The following TNRC6C variants were observed in gnomAD, a reference collection of about 807,000 sequenced individuals.
TNRC6C encodes the protein trinucleotide repeat-containing gene 6C protein.
TNRC6C carries 20 observed loss-of-function variants against 153.7 expected under a neutral mutation model. The observed-to-expected ratio is 0.13, with a 90% CI of 0.09 to 0.19. The LOEUF (loss-of-function observed/expected upper bound fraction) is 0.19. Among genes scored for constraint, TNRC6C ranks in the 10% least tolerant of loss-of-function variants. The pLI, the probability that TNRC6C is intolerant of heterozygous loss-of-function variation, is 1.00. For synonymous variants in TNRC6C, 811 were observed against 841.4 expected, an observed-to-expected ratio of 0.96 and a Z score of 0.63; for missense variants, 1,987 against 2,172.0, an observed-to-expected ratio of 0.91 and a Z score of 1.69.
upstream of TNRC6C, among the ~76,000 whole-genome samples, chr17:77,999,853 T>C (rs1412427496): frequency 6.6e-6 from 1 of 152,172 alleles, no homozygotes; most frequent in Non-Finnish European, 1.5e-5. Context: ...AGAGGGAGAC[T>C]CTAAAGCCAG....
chr17:77,982,488 A>T (rs1324891523), intron 1 of TNRC6C, among the ~76,000 whole-genome samples: 9 of 152,182 alleles, frequency 5.9e-5, no homozygotes, highest in Admixed American at 4.6e-4. Flanking sequence ...AAAATAATAA[A>T]AACCATTTAC....
intron 13 of TNRC6C, 122 bp downstream of exon 15, chr17:78,087,215 G>A (rs1469884823): frequency 6.9e-7 from 1 of 1,449,788 alleles, no homozygotes; most frequent in Admixed American, 2.4e-5. Context: ...ACCATAGCCT[G>A]TTGGAAATGC....
chr17:78,033,665 G>A lies in TNRC6C; in HGVS notation c.-219+1823G>A, dbSNP rs192298391. Among the ~76,000 whole-genome samples the A allele has an allele frequency of 1.0e-3, 150 of 148,612 alleles. 2 individuals are homozygous for A. Among genetic ancestry groups the A allele is most frequent in the African/African-American group, 3.6e-3 (145 of 39,932 alleles). On this transcript the variant is annotated intron_variant, in intron 2 of 19. Transcript: ENST00000301624. ...GCCTGGGTGACAAGAGTGAAACTCCGTTTCAAAAAAAAAAAGGTGTGTGAG... is the reference window on the plus strand; with the variant it reads ...GCCTGGGTGACAAGAGTGAAACTCCATTTCAAAAAAAAAAAGGTGTGTGAG...
intron 11 of TNRC6C, among the ~76,000 whole-genome samples, chr17:78,084,829 A>G (rs1449674301): frequency 6.6e-6 from 1 of 151,870 alleles, no homozygotes; most frequent in Admixed American, 6.6e-5. Flanking sequence ...GGGTTTCACC[A>G]TGTTGGTCAG....
intron 1 of TNRC6C, among the ~76,000 whole-genome samples, chr17:78,006,234 TAG>T (rs2071493023): frequency 6.6e-6 from 1 of 152,320 alleles, no homozygotes; most frequent in African/African-American, 2.4e-5. Flanking sequence ...ACCTCTAGAC[TAG>T]AGTCACATGA....
upstream of TNRC6C, among the ~76,000 whole-genome samples, chr17:78,003,818 C>T (rs146299744): frequency 3.9e-4 from 59 of 152,264 alleles, no homozygotes; most frequent in African/African-American, 1.4e-3. Flanking sequence ...AATCCCAGCA[C>T]TTTGGGAGGC....
At chr17:78,015,795 C>T (rs1481167571) in intron 1 of TNRC6C, among the ~76,000 whole-genome samples, 2 of 151,960 alleles carry the variant, frequency 1.3e-5, no homozygotes. Flanking sequence ...GCCTGTGATC[C>T]CAGCTACTCG....
At chr17:78,056,559 G>A (rs2072659152) in intron 3 of TNRC6C, among the ~76,000 whole-genome samples, 1 of 151,700 alleles carries the variant, frequency 6.6e-6, no homozygotes, top group Non-Finnish European at 1.5e-5. Context: ...CGCCTCCCAG[G>A]TTCACGCCAT....
At chr17:78,101,459 C>A (rs1231027175) in intron 17 of TNRC6C, among the ~76,000 whole-genome samples, 3 of 152,162 alleles carry the variant, frequency 2.0e-5, no homozygotes, top group African/African-American at 7.2e-5. Flanking sequence ...TGCCTGTTAC[C>A]CAGTTCCAAA....
chr17:77,966,136 A>G (rs990102593), intron 1 of TNRC6C, among the ~76,000 whole-genome samples: 1 of 152,220 alleles, frequency 6.6e-6, no homozygotes, highest in African/African-American at 2.4e-5. Context: ...AGCGCGTAAC[A>G]TAATGGCTGA....
chr17:77,971,721 G>A (rs1319932333), intron 1 of TNRC6C, among the ~76,000 whole-genome samples: 2 of 152,028 alleles, frequency 1.3e-5, no homozygotes, highest in East Asian at 1.9e-4. Context: ...CCTTCCAGTT[G>A]CTCCACTCAA....
chr17:77,969,983 A>G (rs1371304843), intron 1 of TNRC6C, among the ~76,000 whole-genome samples: 1 of 152,194 alleles, frequency 6.6e-6, no homozygotes, highest in South Asian at 2.1e-4. Context: ...TAACTCATGT[A>G]AGAGCAGCAT....
At chr17:77,982,433 A>G (rs1470874544) in intron 1 of TNRC6C, among the ~76,000 whole-genome samples, 2 of 152,224 alleles carry the variant, frequency 1.3e-5, no homozygotes, top group East Asian at 3.8e-4. Context: ...AAGGATAGAA[A>G]GAGAATTTAT....
chr17:78,064,670 T>C (rs2072836715), intron 3 of TNRC6C, 52 bp from the exon 6 acceptor site: 7 of 1,558,902 alleles, frequency 4.5e-6, no homozygotes, highest in Non-Finnish European at 1.8e-6. Context: ...ATATTTTTGC[T>C]TTTCTCTGAT....
At chr17:77,976,954 A>AC (rs1282561178) in intron 1 of TNRC6C, among the ~76,000 whole-genome samples, 11 of 147,878 alleles carry the variant, frequency 7.4e-5, no homozygotes, top group African/African-American at 2.0e-4. Context: ...AAAAAAAAAA[A>AC]AAAAAACTTG....
chr17:78,046,285 G>A (rs2072408578), intron 2 of TNRC6C, among the ~76,000 whole-genome samples: 1 of 151,648 alleles, frequency 6.6e-6, no homozygotes, highest in South Asian at 2.1e-4. Flanking sequence ...GGGTTCGAGT[G>A]ATACTCCTGC....
chr17:78,099,659 A>G lies in TNRC6C; in HGVS notation c.4501+1122A>G, dbSNP rs541762824. Among the ~76,000 whole-genome samples the G allele has an allele frequency of 3.9e-5, 6 of 152,322 alleles. No homozygotes were observed. The East Asian group carries it at 9.6e-4, about 24-fold the overall frequency. On this transcript the variant is annotated intron_variant, in intron 17 of 19. Coordinates refer to ENST00000301624, the Ensembl canonical transcript of TNRC6C. ...GGAATTGTGGGAGTTACAATTCAAGATGAGATTTGGGTGGGGACACAGCCA... is the reference window on the plus strand; with the variant it reads ...GGAATTGTGGGAGTTACAATTCAAGGTGAGATTTGGGTGGGGACACAGCCA...
intron 11 of TNRC6C, among the ~76,000 whole-genome samples, chr17:78,084,294 AG>A (rs1375477648): frequency 6.6e-6 from 1 of 151,610 alleles, no homozygotes; most frequent in Non-Finnish European, 1.5e-5. Flanking sequence ...AAAAAAAAAA[AG>A]AAAATCATGA....
At chr17:78,083,900 C>T (rs1346762376) in intron 11 of TNRC6C, among the ~76,000 whole-genome samples, 1 of 152,054 alleles carries the variant, frequency 6.6e-6, no homozygotes, top group African/African-American at 2.4e-5. Flanking sequence ...AAATTATATA[C>T]ACTAAAAGAC....
Sources: allele counts gnomAD v4.1 joint callset (sites outside exome capture counted in the v4.1 genomes callset), GRCh38; gene constraint gnomAD v4.1.1; transcripts MANE v1.5; gene names NCBI Gene and HGNC (gene_info 2026-07-23, HGNC 2026-07-21).